Variants in AGBL1 observed in about 807,000 individuals in gnomAD.
AGBL1 encodes cytosolic carboxypeptidase 4.
In AGBL1, 130 loss-of-function variants were observed where a neutral mutation model predicts 118.9. The observed-to-expected ratio is 1.09, with a 90% confidence interval of 0.95 to 1.26. The LOEUF is 1.26. Ranked by LOEUF, AGBL1 falls within the 50% of genes most tolerant of loss-of-function variation. AGBL1 has a pLI of 0.00. For synonymous variants in AGBL1, 555 were observed against 478.9 expected (o/e 1.16, Z -2.08); for missense variants, 1,584 against 1,298.1 (o/e 1.22, Z -3.38).
chr15:86,771,400 T>C (rs2078178092), intron 22 of AGBL1, among the ~76,000 whole-genome samples: 2 of 151,970 alleles, frequency 1.3e-5, no homozygotes, highest in African/African-American at 2.4e-5. Context: ...AGGGATCAAA[T>C]GCTTGCTCTT....
chr15:86,386,344 T>C (rs1446848109), intron 17 of AGBL1, among the ~76,000 whole-genome samples: 1 of 140,394 alleles, frequency 7.1e-6, no homozygotes, highest in Non-Finnish European at 1.5e-5. Flanking sequence ...ATGGCTACTC[T>C]GTAGGCAGAG....
At chr15:86,140,643 G>C (rs1045004663) in intron 1 of AGBL1, among the ~76,000 whole-genome samples, 1 of 152,160 alleles carries the variant, frequency 6.6e-6, no homozygotes, top group Non-Finnish European at 1.5e-5. Context: ...GTGATGTGGA[G>C]ATAGAAGGGA....
chr15:86,579,656 A>C (rs1357535884), intron 21 of AGBL1, among the ~76,000 whole-genome samples: 1 of 152,220 alleles, frequency 6.6e-6, no homozygotes, highest in Non-Finnish European at 1.5e-5. Flanking sequence ...GTAAGAATCC[A>C]TTGATAAGAT....
At chr15:86,772,066 G>A (rs1263479991) in intron 22 of AGBL1, among the ~76,000 whole-genome samples, 2 of 152,044 alleles carry the variant, frequency 1.3e-5, no homozygotes, top group East Asian at 3.9e-4. Flanking sequence ...GAGAGTGGAA[G>A]TATAAGACAT....
chr15:86,298,232 A>C (rs2079677305), intron 17 of AGBL1, among the ~76,000 whole-genome samples: 2 of 103,418 alleles, frequency 1.9e-5, no homozygotes, highest in African/African-American at 4.0e-5. Context: ...TATACAGGGT[A>C]CGTGTCTGTG....
intron 18 of AGBL1, among the ~76,000 whole-genome samples, chr15:86,472,355 G>A (rs1177452826): frequency 1.3e-5 from 2 of 152,090 alleles, no homozygotes; most frequent in Non-Finnish European, 2.9e-5. Context: ...ATGGCCTTAG[G>A]CTAAGATATC....
chr15:86,801,511 T>A (rs151282283), intron 22 of AGBL1, among the ~76,000 whole-genome samples: 1 of 152,074 alleles, frequency 6.6e-6, no homozygotes, highest in South Asian at 2.1e-4. Context: ...CATCACACTT[T>A]ATTTCCGTTT....
intron 22 of AGBL1, among the ~76,000 whole-genome samples, chr15:86,845,889 A>C (rs1337683924): frequency 6.6e-6 from 1 of 152,096 alleles, no homozygotes; most frequent in Non-Finnish European, 1.5e-5. Context: ...TTTCTCCCAA[A>C]CCTGCTAAAT....
chr15:86,733,879 C>T (rs1016662841), intron 22 of AGBL1, among the ~76,000 whole-genome samples: 2 of 152,096 alleles, frequency 1.3e-5, no homozygotes, highest in African/African-American at 4.8e-5. Context: ...GGGTCGTATA[C>T]ACCCAGAACA....
intron 1 of AGBL1, among the ~76,000 whole-genome samples, chr15:86,137,370 C>T (rs1400084255): frequency 6.6e-6 from 1 of 152,160 alleles, no homozygotes; most frequent in Non-Finnish European, 1.5e-5. Context: ...GACCACAGTA[C>T]TTGGGAAGAG....
intron 22 of AGBL1, among the ~76,000 whole-genome samples, chr15:86,738,820 C>G (rs2077637712): frequency 6.6e-6 from 1 of 151,980 alleles, no homozygotes. Context: ...GATAATTTGA[C>G]CATGAAGCCA....
At chr15:86,983,916 G>A (rs2141726644) in intron 23 of AGBL1, among the ~76,000 whole-genome samples, 1 of 152,276 alleles carries the variant, frequency 6.6e-6, no homozygotes, top group South Asian at 2.1e-4. Flanking sequence ...GTATGCAACG[G>A]TTTGCATACC....
chr15:86,404,110 C>A (rs1009100328), intron 18 of AGBL1, among the ~76,000 whole-genome samples: 11 of 152,158 alleles, frequency 7.2e-5, no homozygotes, highest in African/African-American at 2.7e-4. Flanking sequence ...AGAGTCTTAG[C>A]CCCATCAGCT....
rs372201949 is a variant in AGBL1 at position 86,778,524 on chromosome 15, C to G, written c.3158+104088C>G. Among the ~76,000 whole-genome samples, 5 of 152,270 alleles carry G rather than the reference C, an allele frequency of 3.3e-5. No homozygotes were observed. In the East Asian group the frequency reaches 9.7e-4, roughly 29 times the overall value. On this transcript the variant is annotated intron_variant, in intron 22 of 22. Coordinates refer to ENST00000614907, the MANE Select transcript of AGBL1 (RefSeq NM_001386094.1). Reference sequence around the variant, plus strand: ...ACCCTCAGGGACGCATTCTCTTTCTCAGGGATGTTCCTTGCTGAGAAAAAG... The same window carrying G: ...ACCCTCAGGGACGCATTCTCTTTCTGAGGGATGTTCCTTGCTGAGAAAAAG...
chr15:86,772,900 T>C (rs1269498084), intron 22 of AGBL1, among the ~76,000 whole-genome samples: 1 of 151,906 alleles, frequency 6.6e-6, no homozygotes, highest in East Asian at 1.9e-4. Flanking sequence ...AGGGAATGGG[T>C]TAAGGAGTGA....
At chr15:86,125,773 A>T (rs1003951991) in intron 1 of AGBL1, among the ~76,000 whole-genome samples, 1 of 152,244 alleles carries the variant, frequency 6.6e-6, no homozygotes, top group Non-Finnish European at 1.5e-5. Flanking sequence ...AACTTCTATC[A>T]TCATGACATT....
chr15:86,893,799 A>G (rs750301687), intron 22 of AGBL1, among the ~76,000 whole-genome samples: 5 of 152,312 alleles, frequency 3.3e-5, no homozygotes, highest in African/African-American at 9.6e-5. Context: ...GTGAGGTTCT[A>G]TGCTATGGCA....
chr15:86,744,630 C>T (rs1443056301), intron 22 of AGBL1, among the ~76,000 whole-genome samples: 2 of 152,084 alleles, frequency 1.3e-5, no homozygotes, highest in African/African-American at 2.4e-5. Context: ...AGACATTCAC[C>T]CCCAGAGGGG....
At chr15:86,351,858 A>G (rs74027514) in intron 17 of AGBL1, among the ~76,000 whole-genome samples, 3,176 of 152,312 alleles carry the variant, frequency 0.021, 108 homozygotes, top group African/African-American at 0.073. Context: ...ATTTTCACAT[A>G]TCCTTCCTTT....
Sources: allele counts gnomAD v4.1 joint callset (sites outside exome capture counted in the v4.1 genomes callset), GRCh38; gene constraint gnomAD v4.1.1; transcripts MANE v1.5; gene names NCBI Gene and HGNC (gene_info 2026-07-23, HGNC 2026-07-21).